The following CFAP298 variants were observed in gnomAD, a reference collection of about 807,000 sequenced individuals.
CFAP298 encodes cilia- and flagella-associated protein 298.
A neutral mutation model predicts 41.0 loss-of-function variants in CFAP298; 38 were observed. The observed-to-expected ratio is 0.93, with a 90% CI of 0.72 to 1.22. The LOEUF is 1.22. Among genes scored for constraint, CFAP298 ranks in the 50% most tolerant of loss-of-function variants. The pLI is 0.00. For missense variants in CFAP298, 348 were observed against 360.3 expected (o/e 0.97, Z 0.28); for synonymous variants, 137 against 135.3 (o/e 1.01, Z -0.09).
Position 32,612,349 on chromosome 21 carries a change from C to T in CFAP298, c.-106G>A, listed in dbSNP as rs905010349. On this transcript the variant is annotated 5_prime_UTR_variant, in exon 1 of 7. Transcript: ENST00000290155. Reference sequence around the variant, plus strand: ...ATCGCCAGCAGCTGCGACGCACTAACAGCCGCTCACAGTCCGGAATCCCAC... The same window carrying T: ...ATCGCCAGCAGCTGCGACGCACTAATAGCCGCTCACAGTCCGGAATCCCAC... 84 of 1,439,796 alleles carry T rather than the reference C, an allele frequency of 5.8e-5. No individual in the cohort carries two copies. The highest frequency in any genetic ancestry group is 2.8e-5 in the Admixed American group (1 of 35,780). The allele number at this position is 1,439,796 out of a possible 1,614,324, so 89.2% of individuals were successfully genotyped here. A position where few individuals can be genotyped will look rare whatever the true frequency, so the allele number is the denominator to read the frequency against.
chr21:32,612,073 C>A (rs2039013286), intron 1 of CFAP298, 32 bp downstream of exon 1: 1 of 1,507,274 alleles, frequency 6.6e-7, no homozygotes. Flanking sequence ...GTCTCTCGAT[C>A]TGTCCGGGAT....
In CFAP298 at chr21:32,607,666, T is replaced by C; in HGVS notation, c.358A>G (p.Lys120Glu). The stretch of plus-strand genomic sequence containing the variant: ...AAGCCAACCTTAGATATTATTGCTT[T>C]GGCTTCTTCTATAGTCTTCTTTAAC... ...QVLKKTIEEA[K>E]AIISKKQVEA... Residue 120 changes from lysine to glutamate, a missense_variant, in exon 3 of 7, where the codon AAA (lysine) becomes GAA (glutamate). Lys to Glu is a moderately conservative substitution (Grantham distance 56). Transcript: ENST00000290155. 6.3e-7 allele frequency: 1 copy of C among 1,594,412 alleles called. No individual in the cohort carries two copies. The highest frequency in any genetic ancestry group is 8.6e-7 in the Non-Finnish European group (1 of 1,167,966).
At chr21:32,609,757 C>T (rs976562338) in intron 2 of CFAP298, 81 bp downstream of exon 2, 89 of 1,279,324 alleles carry the variant, frequency 7.0e-5, no homozygotes, top group African/African-American at 3.5e-4. Context: ...AGCAAGAATC[C>T]GTCTCAAAAA....
intron 2 of CFAP298, 60 bp downstream of exon 2, chr21:32,609,778 A>C: frequency 7.0e-7 from 1 of 1,434,194 alleles, no homozygotes; most frequent in East Asian, 2.3e-5. Flanking sequence ...AAAAAAAAGG[A>C]ACTGTTTTCA....
At position 32,601,956 on chromosome 21, in the gene CFAP298, A is replaced by T. The variant is rs1241927576; in HGVS notation, c.780T>A (p.Asp260Glu). Residue 260 changes from aspartate (D) to glutamate (E), a missense_variant, in exon 7 of 7, where the codon GAT becomes GAA. Coordinates refer to ENST00000290155, the MANE Select transcript of CFAP298 (RefSeq NM_021254.4). ...QEELKRLEEN[D>E]DDAYLNSPWA... ...ATGGTGAGTTTAAATAGGCATCATCATCATTTTCTTCCAATCTCTGGAAAT... is the reference window on the plus strand; with the variant it reads ...ATGGTGAGTTTAAATAGGCATCATCTTCATTTTCTTCCAATCTCTGGAAAT... The T allele has an allele frequency of 6.2e-7, 1 of 1,602,384 alleles. No homozygotes were observed. Among genetic ancestry groups the T allele is most frequent in the Non-Finnish European group, 8.5e-7 (1 of 1,169,634 alleles).
At chr21:32,602,475 A>C in intron 5 of CFAP298, 108 bp from the exon 6 acceptor site, 2 of 1,480,834 alleles carry the variant, frequency 1.4e-6, no homozygotes, top group Non-Finnish European at 1.8e-6. Flanking sequence ...ACTAAAGATA[A>C]ACAGGTCCCC....
Position 32,609,990 on chromosome 21 carries a change from G to A in CFAP298, c.155C>T (p.Ala52Val), listed in dbSNP as rs999085167. 1 of 1,612,928 alleles carries A rather than the reference G, an allele frequency of 6.2e-7. No homozygotes were observed. Among genetic ancestry groups the A allele is most frequent in the African/African-American group, 1.3e-5 (1 of 74,624 alleles). ...QRLCSEMEEL[A>V]EHGIFLPPNM... ...AGGAGGGAGAAATATGCCATGTTCG[G>A]CTAATTCTTCCATTTCTTAAAAATA... The change falls in exon 2 of 7, where the codon GCC becomes GTC. Residue 52 changes from alanine (A) to valine (V), a missense_variant. Physicochemically the swap from Ala to Val is moderately conservative, Grantham distance 64 (BLOSUM62 0). Transcript: ENST00000290155.
rs559133435 is a variant in CFAP298 at position 32,602,500 on chromosome 21, C to T, written c.667-133G>A. ...AACAGGTCCCCCATGTCTGATCACC[C>T]GAAGTGAAGCATCAAGGGAAGCCTT... On this transcript the variant is annotated intron_variant, in intron 5 of 6. Transcript: ENST00000290155. 2.8e-5 allele frequency: 41 copies of T among 1,446,850 alleles called. No homozygotes were observed. In the African/African-American group the frequency reaches 4.6e-4, roughly 16 times the overall value. 89.6% of individuals were successfully genotyped at this position (1,446,850 alleles called of 1,614,324 possible).
intron 3 of CFAP298, 31 bp from the exon 4 acceptor site, chr21:32,604,314 T>G (rs1406716099): frequency 6.2e-7 from 1 of 1,612,840 alleles, no homozygotes; most frequent in Non-Finnish European, 8.5e-7. Flanking sequence ...TTATCTACAG[T>G]GTGGCTAATC....
Position 32,601,091 on chromosome 21 carries a change from C to T in CFAP298, c.*772G>A, listed in dbSNP as rs148574405. ...GTTAAAGAAGGCTACAGTTAGACCC[C>T]GCAGCAGGGTTAGAGAAGTCTCTCC... On this transcript the variant is annotated 3_prime_UTR_variant, in exon 7 of 7. Transcript: ENST00000290155. Among the ~76,000 whole-genome samples the T allele has an allele frequency of 1.9e-3, 290 of 151,426 alleles. No individual in the cohort carries two copies. The highest frequency in any genetic ancestry group is 6.8e-3 in the African/African-American group (278 of 40,948).
At chr21:32,603,478 T>C (rs2146552247) in intron 4 of CFAP298, among the ~76,000 whole-genome samples, 186 bp from the exon 5 acceptor site, 1 of 152,348 alleles carries the variant, frequency 6.6e-6, no homozygotes. Flanking sequence ...TTTCCACTCA[T>C]GCCCTGACTC....
At chr21:32,602,018 G>C (rs778159165) in intron 6 of CFAP298, 45 bp from the exon 7 acceptor site, 1 of 1,229,722 alleles carries the variant, frequency 8.1e-7, no homozygotes, top group Admixed American at 1.7e-5. Flanking sequence ...TCAGGAAAGT[G>C]TTTTGCACAT....
At position 32,604,796 on chromosome 21, in the gene CFAP298, C is replaced by G. The variant is rs112665999; in HGVS notation, c.376-513G>C. On this transcript the variant is annotated intron_variant, in intron 3 of 6. Transcript: ENST00000290155. ...ACAAAAGCCAGGCTGAAGAGTTCAC[C>G]TTTCCTCTGTTAGGCCACGGGAAGC... Among the ~76,000 whole-genome samples, 333 of 152,354 alleles carry G rather than the reference C, an allele frequency of 2.2e-3. 4 individuals are homozygous for G. The highest frequency in any genetic ancestry group is 7.7e-3 in the African/African-American group (320 of 41,578).
At chr21:32,610,318 G>A (rs770428288) in intron 1 of CFAP298, among the ~76,000 whole-genome samples, 6 of 152,070 alleles carry the variant, frequency 3.9e-5, no homozygotes, top group Non-Finnish European at 7.3e-5. Flanking sequence ...GGGTTCAAGC[G>A]ATTCTCACGC....
intron 2 of CFAP298, among the ~76,000 whole-genome samples, chr21:32,609,117 G>C (rs946759682): frequency 6.6e-6 from 1 of 152,226 alleles, no homozygotes; most frequent in African/African-American, 2.4e-5. Flanking sequence ...TCCTTGATCA[G>C]GGAAGTCCAT....
chr21:32,608,758 T>C (rs1417773973), intron 2 of CFAP298, among the ~76,000 whole-genome samples: 1 of 152,104 alleles, frequency 6.6e-6, no homozygotes, highest in Non-Finnish European at 1.5e-5. Flanking sequence ...ATATTTTTTT[T>C]CCTCATCTTA....
intron 3 of CFAP298, among the ~76,000 whole-genome samples, chr21:32,605,703 G>T (rs1428965005): frequency 6.6e-6 from 1 of 152,186 alleles, no homozygotes; most frequent in African/African-American, 2.4e-5. Flanking sequence ...AGTATGGGTG[G>T]CCTGGGGACC....
rs373631213 is a variant in CFAP298, at chr21:32,605,178, C to CA, written c.376-896dup. Among the ~76,000 whole-genome samples the CA allele has an allele frequency of 1.7e-3, 260 of 151,578 alleles. 4 individuals carry two copies. The highest frequency in any genetic ancestry group is 6.0e-3 in the African/African-American group (249 of 41,304). ...TGGGCAACAGAATAAGACTCTGCCTCAAAAAAAAGAACAGACCTAGTTGGA... is the reference window on the plus strand; with the variant it reads ...TGGGCAACAGAATAAGACTCTGCCTCAAAAAAAAAGAACAGACCTAGTTGGA... On this transcript the variant is annotated intron_variant, in intron 3 of 6. Transcript: ENST00000290155.
At chr21:32,611,619 G>T (rs1201508487) in intron 1 of CFAP298, among the ~76,000 whole-genome samples, 1 of 151,836 alleles carries the variant, frequency 6.6e-6, no homozygotes, top group African/African-American at 2.4e-5. Context: ...GCGCCGCAAC[G>T]CAACAGGCCG....
Sources: gnomAD v4.1 joint callset for allele counts (sites outside exome capture counted in the v4.1 genomes callset) on GRCh38, gnomAD v4.1.1 for gene constraint, MANE v1.5 for transcripts, NCBI Gene and HGNC (gene_info 2026-07-23, HGNC 2026-07-21) for gene names.